CTNNA3: variants seen among roughly 807,000 people sequenced by gnomAD.
CTNNA3 encodes the protein catenin alpha-3.
Under a neutral mutation model 95.7 loss-of-function variants are expected in CTNNA3, and 76 were observed. That is an observed-to-expected ratio of 0.79 (90% confidence interval 0.66 to 0.96). The LOEUF is 0.96. Ranked by LOEUF, CTNNA3 falls within the 40% of genes least tolerant of loss-of-function variation. The pLI, the probability that CTNNA3 is intolerant of heterozygous loss-of-function variation, is 0.00. For synonymous variants in CTNNA3, 431 were observed against 374.4 expected (o/e 1.15, Z -1.74); for missense variants, 1,191 against 1,089.8 (o/e 1.09, Z -1.31).
chr10:66,930,984 C>A, intron 7 of CTNNA3, among the ~76,000 whole-genome samples: 1 of 151,844 alleles, frequency 6.6e-6, no homozygotes, highest in Non-Finnish European at 1.5e-5. Flanking sequence ...ACTAGTTTAC[C>A]ACTGTAAATT....
At chr10:67,144,640 T>C (rs1165537673) in intron 7 of CTNNA3, among the ~76,000 whole-genome samples, 1 of 152,208 alleles carries the variant, frequency 6.6e-6, no homozygotes, top group East Asian at 1.9e-4. Flanking sequence ...GCTTCAGACT[T>C]TTCTTGGGCA....
At chr10:66,675,781 C>T (rs1038889061) in intron 9 of CTNNA3, among the ~76,000 whole-genome samples, 1 of 152,084 alleles carries the variant, frequency 6.6e-6, no homozygotes, top group African/African-American at 2.4e-5. Flanking sequence ...GTTTGGGTTA[C>T]TATTTGCCTT....
At chr10:67,179,987 C>G (rs1862436746) in intron 7 of CTNNA3, among the ~76,000 whole-genome samples, 1 of 152,114 alleles carries the variant, frequency 6.6e-6, no homozygotes, top group Non-Finnish European at 1.5e-5. Flanking sequence ...ATCTGCCCCT[C>G]TCTTTATCTT....
At chr10:66,024,151 A>G (rs1396763490) in intron 15 of CTNNA3, among the ~76,000 whole-genome samples, 2 of 132,448 alleles carry the variant, frequency 1.5e-5, no homozygotes, top group Admixed American at 1.9e-4. Flanking sequence ...GTGCAGCGGC[A>G]CAATCTGGGC....
At chr10:66,312,773 C>T (rs1379999710) in intron 12 of CTNNA3, among the ~76,000 whole-genome samples, 1 of 152,092 alleles carries the variant, frequency 6.6e-6, no homozygotes, top group African/African-American at 2.4e-5. Flanking sequence ...TCTCAATCTC[C>T]TGACCTCGTG....
chr10:66,452,691 C>A (rs766290505), intron 11 of CTNNA3, among the ~76,000 whole-genome samples: 4 of 152,082 alleles, frequency 2.6e-5, no homozygotes, highest in Non-Finnish European at 5.9e-5. Flanking sequence ...CTGTGAATAA[C>A]ATTATTATTG....
At chr10:67,151,139 T>C (rs1436630320) in intron 7 of CTNNA3, among the ~76,000 whole-genome samples, 1 of 152,140 alleles carries the variant, frequency 6.6e-6, no homozygotes, top group African/African-American at 2.4e-5. Context: ...ATGTTTCCAA[T>C]AGTGCTTGTT....
At chr10:66,977,650 TG>T (rs1054088775) in intron 7 of CTNNA3, among the ~76,000 whole-genome samples, 37 of 152,306 alleles carry the variant, frequency 2.4e-4, no homozygotes, top group African/African-American at 8.7e-4. Flanking sequence ...AGATGTAAGC[TG>T]GGCCTTGTAT....
rs1166907103 is a variant in CTNNA3 at position 67,343,762 on chromosome 10, G to A, written c.580-123892C>T. ...TCTTTATTTTTTCTCTTGTCTGATT[G>A]CTCTATCTAGGACTTCCAGTACTAT... is the stretch of plus-strand genomic sequence containing the variant. On this transcript the variant is annotated intron_variant, in intron 5 of 17. Transcript: ENST00000433211. Among the ~76,000 whole-genome samples the A allele has an allele frequency of 2.0e-5, 3 of 151,590 alleles. No homozygotes were observed. The East Asian group carries it at 5.8e-4, about 29-fold the overall frequency.
At chr10:66,429,446 G>C (rs7392988) in intron 11 of CTNNA3, among the ~76,000 whole-genome samples, 57,837 of 151,340 alleles carry the variant, frequency 0.38, 11,600 homozygotes, top group African/African-American at 0.5. Context: ...AGAGACACAA[G>C]CAAAAAAGAG....
chr10:66,926,345 A>G lies in CTNNA3; in HGVS notation c.1048-150821T>C, dbSNP rs1049311356. 2.1e-5 allele frequency: 12 copies of G among 581,422 alleles called. No homozygotes were observed. In the African/African-American group the frequency reaches 2.1e-4, roughly 10 times the overall value. The allele number at this position is 581,422 out of a possible 1,614,324, so 36.0% of individuals were successfully genotyped here. A position where few individuals can be genotyped will look rare whatever the true frequency, so the allele number is the denominator to read the frequency against. On this transcript the variant is annotated intron_variant, in intron 7 of 17. Transcript: ENST00000433211. ...AATATCCATGAAGATCCTATTACCT[A>G]GGAAGATTTTGATGTTTTGCTGCGA...
chr10:66,491,198 A>G (rs781678534), intron 11 of CTNNA3, among the ~76,000 whole-genome samples: 1 of 152,104 alleles, frequency 6.6e-6, no homozygotes, highest in Non-Finnish European at 1.5e-5. Context: ...TCCTCCATAA[A>G]AAATTGTACA....
chr10:66,854,505 T>C lies in CTNNA3; in HGVS notation c.1048-78981A>G, dbSNP rs1843615177. On this transcript the variant is annotated intron_variant, in intron 7 of 17. Coordinates refer to ENST00000433211, the MANE Select transcript of CTNNA3 (RefSeq NM_013266.4). ...CAAATAACGGTGAGGTAAAAAATGC[T>C]GAGTGCACCTAAGAGAGGTGCAGAT... is the stretch of plus-strand genomic sequence containing the variant. Among the ~76,000 whole-genome samples the C allele has an allele frequency of 2.6e-5, 4 of 151,864 alleles. No homozygotes were observed. In the South Asian group the frequency reaches 8.3e-4, roughly 32 times the overall value.
rs1478882160 is a variant in CTNNA3, at chr10:65,920,355, T to A, written c.2663A>T (p.Glu888Val). Reference protein sequence around the residue: ...KKIHPLQVMSEFRGRQIY With the variant: ...KKIHPLQVMSVFRGRQIY ...TCAGTAGATTTGTCTTCCTCTAAATTCACTCATGACTTGCAATGGATGGAT... is the reference window on the plus strand; with the variant it reads ...TCAGTAGATTTGTCTTCCTCTAAATACACTCATGACTTGCAATGGATGGAT... Residue 888 changes from glutamate (E) to valine (V), a missense_variant, in exon 18 of 18, where the codon GAA (glutamate) becomes GTA (valine). Transcript: ENST00000433211. 1.2e-6 allele frequency: 2 copies of A among 1,613,656 alleles called. No homozygotes were observed. The highest frequency in any genetic ancestry group is 1.7e-6 in the Non-Finnish European group (2 of 1,179,930).
At chr10:67,609,480 A>T (rs951031777) in intron 2 of CTNNA3, among the ~76,000 whole-genome samples, 5 of 152,136 alleles carry the variant, frequency 3.3e-5, no homozygotes, top group African/African-American at 1.2e-4. Context: ...TTATGGGGGA[A>T]ATATGCGGAT....
chr10:67,646,061 G>A (rs1348560056), intron 2 of CTNNA3, among the ~76,000 whole-genome samples: 5 of 149,572 alleles, frequency 3.3e-5, no homozygotes, highest in South Asian at 4.2e-4. Flanking sequence ...GGAAGTAAAC[G>A]CACCAAAACA....
At chr10:67,392,620 G>T (rs1323079483) in intron 5 of CTNNA3, among the ~76,000 whole-genome samples, 1 of 152,090 alleles carries the variant, frequency 6.6e-6, no homozygotes, top group Non-Finnish European at 1.5e-5. Flanking sequence ...TGTTTATTGC[G>T]GCACTCTTCA....
chr10:67,700,633 C>G (rs1841029376), upstream of CTNNA3, among the ~76,000 whole-genome samples: 3 of 152,090 alleles, frequency 2.0e-5, no homozygotes, highest in African/African-American at 7.2e-5. Context: ...TGTACATCAC[C>G]ATCATCAAAC....
Position 67,097,690 on chromosome 10 carries a change from C to T in CTNNA3, c.1047+82627G>A, listed in dbSNP as rs377501504. The T allele has an allele frequency of 2.3e-5, 37 of 1,612,504 alleles. No homozygotes were observed. The highest frequency in any genetic ancestry group is 2.8e-5 in the Non-Finnish European group (33 of 1,179,020). ...CTTCTCTCCCATAAGTCCTTTGAAA[C>T]GAATGCACAGGAAGATACGATGGAA... is the stretch of plus-strand genomic sequence containing the variant. On this transcript the variant is annotated intron_variant, in intron 7 of 17. Transcript: ENST00000433211.
Sources: gnomAD v4.1 joint callset for allele counts (sites outside exome capture counted in the v4.1 genomes callset) on GRCh38, gnomAD v4.1.1 for gene constraint, MANE v1.5 for transcripts, NCBI Gene and HGNC (gene_info 2026-07-23, HGNC 2026-07-21) for gene names.